The following MYPN variants were observed in gnomAD, a reference collection of about 807,000 sequenced individuals.
The protein encoded by MYPN is myopalladin, also known as sarcomeric protein myopalladin, 145 kDa (MYOP).
In MYPN, 63 loss-of-function variants were observed where a neutral mutation model predicts 129.4. The observed-to-expected ratio is 0.49, with a 90% CI of 0.40 to 0.60. MYPN has a LOEUF of 0.60. MYPN is among the 20% of genes least tolerant of loss of function. The probability of loss-of-function intolerance (pLI) is 0.00; values close to 1 mark genes in which losing one functional copy is unlikely to be tolerated. For missense variants in MYPN, 1,596 were observed against 1,635.4 expected (o/e 0.98, Z 0.42); for synonymous variants, 629 against 600.9 (o/e 1.05, Z -0.68).
chr10:68,107,578 T>C (rs2042028257), upstream of MYPN, among the ~76,000 whole-genome samples: 1 of 151,820 alleles, frequency 6.6e-6, no homozygotes, highest in Admixed American at 6.6e-5. Context: ...CTCAAACTCC[T>C]GAGCTCAGGC....
At chr10:68,144,337 A>AT (rs953664415) in intron 3 of MYPN, among the ~76,000 whole-genome samples, 5 of 152,148 alleles carry the variant, frequency 3.3e-5, no homozygotes, top group Non-Finnish European at 7.4e-5. Context: ...ATTTAAACAT[A>AT]TTATTATGGT....
rs2043900909 is a variant in MYPN, at chr10:68,210,850, C to G, written c.*395C>G. The G allele has an allele frequency of 4.4e-6, 2 of 457,906 alleles. No homozygotes were observed. The highest frequency in any genetic ancestry group is 4.7e-5 in the Admixed American group (2 of 42,636). 28.4% of individuals were successfully genotyped at this position (457,906 alleles called of 1,614,324 possible). A position where few individuals can be genotyped will look rare whatever the true frequency, so the allele number is the denominator to read the frequency against. ...AGGCAGTAGTGACCTTAGGATATGA[C>G]TAACTCACCAAACAATGCCAAGGAG... On this transcript the variant is annotated 3_prime_UTR_variant, in exon 20 of 20. Coordinates refer to ENST00000358913, the MANE Select transcript of MYPN (RefSeq NM_032578.4).
At position 68,189,016 on chromosome 10, in the gene MYPN, A is replaced by G. The variant is rs1471081568; in HGVS notation, c.2815A>G (p.Thr939Ala). ...DDEIQHDEIP[T>A]GKCIAPIFDK... Reference sequence around the variant, plus strand: ...TGAAATTCAACATGATGAGATCCCCACGGGCAAGTGTATTGCTCCCATCTT... The same window carrying G: ...TGAAATTCAACATGATGAGATCCCCGCGGGCAAGTGTATTGCTCCCATCTT... Residue 939 changes from threonine (T) to alanine (A), a missense_variant, in exon 13 of 20, where the codon ACG becomes GCG. Coordinates refer to ENST00000358913, the MANE Select transcript of MYPN (RefSeq NM_032578.4). 1 of 1,614,186 alleles carries G rather than the reference A, an allele frequency of 6.2e-7. No homozygotes were observed. Among genetic ancestry groups the G allele is most frequent in the Admixed American group, 1.7e-5 (1 of 60,016 alleles).
At chr10:68,205,090 G>A (rs891130562) in intron 18 of MYPN, among the ~76,000 whole-genome samples, 2 of 152,140 alleles carry the variant, frequency 1.3e-5, no homozygotes, top group African/African-American at 4.8e-5. Context: ...ATATTTCAGT[G>A]CTTGAGAAAT....
chr10:68,145,392 C>T, intron 3 of MYPN, 83 bp from the exon 4 acceptor site: 2 of 1,111,286 alleles, frequency 1.8e-6, no homozygotes, highest in Middle Eastern at 5.0e-4. Flanking sequence ...AAAGTATCAT[C>T]TTAAAAATCT....
At chr10:68,186,026 G>A (rs61857175) in intron 12 of MYPN, among the ~76,000 whole-genome samples, 17,274 of 152,276 alleles carry the variant, frequency 0.11, 1,293 homozygotes, top group Admixed American at 0.17. Context: ...CAGGTGGATA[G>A]TGGAAGCTTT....
At chr10:68,167,284 C>T (rs945016976) in intron 10 of MYPN, among the ~76,000 whole-genome samples, 49 of 152,162 alleles carry the variant, frequency 3.2e-4, no homozygotes, top group African/African-American at 1.2e-3. Context: ...TGTGTCTAAT[C>T]GTCTTTACAG....
At chr10:68,160,496 TAGA>T (rs2042959012) in intron 7 of MYPN, among the ~76,000 whole-genome samples, 1 of 148,284 alleles carries the variant, frequency 6.7e-6, no homozygotes, top group Admixed American at 6.7e-5. Context: ...TCTACCAGTG[TAGA>T]AGATTAAAAC....
Position 68,165,767 on chromosome 10 carries a change from G to A in MYPN, c.1549G>A (p.Ala517Thr), listed in dbSNP as rs2043043322. 1 of 1,614,178 alleles carries A rather than the reference G, an allele frequency of 6.2e-7. No individual in the cohort carries two copies. Among genetic ancestry groups the A allele is most frequent in the Non-Finnish European group, 8.5e-7 (1 of 1,180,018 alleles). The stretch of plus-strand genomic sequence containing the variant: ...AGATTCTGGGTGCTTCACATGTACT[G>A]CAAGCAACAAATACGGCACAGTGTC... ...AEDSGCFTCT[A>T]SNKYGTVSSI... The change falls in exon 9 of 20, where the codon GCA becomes ACA. Residue 517 changes from alanine to threonine, a missense_variant. Transcript: ENST00000358913.
At chr10:68,097,742 A>G (rs2041963169) in intron 1 of MYPN, among the ~76,000 whole-genome samples, 1 of 150,362 alleles carries the variant, frequency 6.7e-6, no homozygotes, top group South Asian at 2.1e-4. Flanking sequence ...CATTTATTTG[A>G]TTTTCTCTTT....
chr10:68,104,132 C>A (rs189718603), upstream of MYPN, among the ~76,000 whole-genome samples: 35 of 152,298 alleles, frequency 2.3e-4, no homozygotes, highest in East Asian at 6.6e-3. Context: ...GACTACTCCC[C>A]AGCCTAGAAT....
At chr10:68,088,283 G>T (rs1011585362) in intron 1 of MYPN, among the ~76,000 whole-genome samples, 7 of 152,108 alleles carry the variant, frequency 4.6e-5, no homozygotes, top group Admixed American at 4.6e-4. Context: ...AGCCATGTGG[G>T]AAAAGGAATG....
intron 12 of MYPN, among the ~76,000 whole-genome samples, chr10:68,186,854 A>G (rs1472952385): frequency 2.0e-5 from 3 of 152,106 alleles, no homozygotes; most frequent in Non-Finnish European, 1.5e-5. Context: ...TATGTAGAGA[A>G]TTAGAATGGG....
chr10:68,186,784 T>C (rs889596074), intron 12 of MYPN, among the ~76,000 whole-genome samples: 2 of 152,014 alleles, frequency 1.3e-5, no homozygotes, highest in Admixed American at 6.6e-5. Context: ...TTCTAACACT[T>C]GAAGATTCAA....
intron 12 of MYPN, among the ~76,000 whole-genome samples, chr10:68,185,091 G>A (rs1476360269): frequency 6.7e-6 from 1 of 148,794 alleles, no homozygotes; most frequent in Non-Finnish European, 1.5e-5. Flanking sequence ...GATTGCTTGA[G>A]CTCAGGAGTT....
chr10:68,102,558 T>C (rs1304993724), upstream of MYPN, among the ~76,000 whole-genome samples: 1 of 152,226 alleles, frequency 6.6e-6, no homozygotes, highest in Non-Finnish European at 1.5e-5. Context: ...TGACAGTTTG[T>C]CTAGAAATAA....
chr10:68,209,200 T>C (rs2043865859), intron 19 of MYPN, among the ~76,000 whole-genome samples: 1 of 152,122 alleles, frequency 6.6e-6, no homozygotes, highest in Non-Finnish European at 1.5e-5. Context: ...AATCAGAAGA[T>C]TGCCCAGTAA....
At chr10:68,189,734 T>A (rs888192695) in intron 13 of MYPN, among the ~76,000 whole-genome samples, 1 of 152,240 alleles carries the variant, frequency 6.6e-6, no homozygotes, top group African/African-American at 2.4e-5. Flanking sequence ...TTCCATTGTG[T>A]ATAGATACCC....
At chr10:68,105,713 A>C (rs1478294981), upstream of MYPN, among the ~76,000 whole-genome samples, 1 of 152,218 alleles carries the variant, frequency 6.6e-6, no homozygotes, top group African/African-American at 2.4e-5. Context: ...AAGTGTTGTA[A>C]TAATTGATTG....
Sources: allele counts gnomAD v4.1 joint callset (sites outside exome capture counted in the v4.1 genomes callset), GRCh38; gene constraint gnomAD v4.1.1; transcripts MANE v1.5; gene names NCBI Gene and HGNC (gene_info 2026-07-23, HGNC 2026-07-21).